Variants in ST6GALNAC5 observed in about 807,000 individuals in gnomAD.
ST6GALNAC5 encodes the protein ST6 N-acetylgalactosaminide alpha-2,6-sialyltransferase 5.
In ST6GALNAC5, 27 loss-of-function variants were observed where a neutral mutation model predicts 33.6. The observed-to-expected ratio is 0.80, with a 90% confidence interval of 0.59 to 1.11. ST6GALNAC5 has a LOEUF of 1.11. ST6GALNAC5 is among the 50% of genes least tolerant of loss of function. The pLI is 0.00. For synonymous variants in ST6GALNAC5, 194 were observed against 171.2 expected, an observed-to-expected ratio of 1.13 and a Z score of -1.04; for missense variants, 428 against 454.0, an observed-to-expected ratio of 0.94 and a Z score of 0.52.
chr1:77,039,747 G>C (rs960327540), intron 2 of ST6GALNAC5, among the ~76,000 whole-genome samples: 1 of 152,218 alleles, frequency 6.6e-6, no homozygotes. Context: ...CACCAAATGA[G>C]GCTTTACGGA....
intron 2 of ST6GALNAC5, among the ~76,000 whole-genome samples, chr1:76,972,011 G>C (rs1241020498): frequency 6.6e-6 from 1 of 152,118 alleles, no homozygotes; most frequent in Non-Finnish European, 1.5e-5. Context: ...AATATTTCAT[G>C]CATATGTAAG....
At chr1:76,932,064 T>G (rs887827100) in intron 2 of ST6GALNAC5, among the ~76,000 whole-genome samples, 1 of 152,086 alleles carries the variant, frequency 6.6e-6, no homozygotes, top group Non-Finnish European at 1.5e-5. Context: ...GAGTGGAAGT[T>G]GGATTTCAGT....
At chr1:76,925,086 A>G (rs1224745483) in intron 2 of ST6GALNAC5, among the ~76,000 whole-genome samples, 1 of 151,996 alleles carries the variant, frequency 6.6e-6, no homozygotes, top group Non-Finnish European at 1.5e-5. Flanking sequence ...ACACGGCAAG[A>G]GCAGAAGCAA....
chr1:76,868,786 TC>T lies in ST6GALNAC5; in HGVS notation c.261+47del. On this transcript the variant is annotated intron_variant, in intron 2 of 4. Transcript: ENST00000477717. This position sits in a 1 kb window ranked among gnomAD's most constrained non-coding sequence, Gnocchi z 4.3. Reference sequence around the variant, plus strand: ...GCCCGCTCGCCACTCAGCCTGGGGATCCCGCACACCTGAGCCTTCCCCCTTT... The same window carrying T: ...GCCCGCTCGCCACTCAGCCTGGGGATCCGCACACCTGAGCCTTCCCCCTTT... 1 of 1,457,810 alleles carries T rather than the reference TC, an allele frequency of 6.9e-7. No individual in the cohort carries two copies. Among genetic ancestry groups the T allele is most frequent in the Non-Finnish European group, 9.0e-7 (1 of 1,111,498 alleles). The allele number at this position is 1,457,810 out of a possible 1,614,324, so 90.3% of individuals were successfully genotyped here.
chr1:77,062,921 C>A, intron 4 of ST6GALNAC5, 54 bp from the exon 5 acceptor site: 1 of 1,438,772 alleles, frequency 7.0e-7, no homozygotes, highest in South Asian at 1.2e-5. Context: ...CTCAATCAGT[C>A]AAAGGAAAAA....
intron 2 of ST6GALNAC5, among the ~76,000 whole-genome samples, chr1:76,917,989 C>A (rs1262802720): frequency 6.6e-6 from 1 of 152,130 alleles, no homozygotes; most frequent in African/African-American, 2.4e-5. Flanking sequence ...CTCATTCTAC[C>A]AGTTCAGATG....
At chr1:77,050,127 T>C in intron 3 of ST6GALNAC5, 131 bp from the exon 4 acceptor site, 1 of 688,826 alleles carries the variant, frequency 1.5e-6, no homozygotes, top group Non-Finnish European at 2.6e-6. Context: ...AAGTTCCAGA[T>C]ATTTACCAAA....
chr1:77,013,557 C>A (rs901663741), intron 2 of ST6GALNAC5, among the ~76,000 whole-genome samples: 4 of 152,162 alleles, frequency 2.6e-5, no homozygotes, highest in African/African-American at 9.7e-5. Context: ...TTTGTTTTCT[C>A]CTAGTCTCAT....
At chr1:76,984,274 TAAA>T (rs1557748192) in intron 2 of ST6GALNAC5, among the ~76,000 whole-genome samples, 3 of 151,616 alleles carry the variant, frequency 2.0e-5, no homozygotes, top group African/African-American at 4.9e-5. Context: ...GCAAGACTAA[TAAA>T]GAAGAAAAAA....
intron 2 of ST6GALNAC5, among the ~76,000 whole-genome samples, chr1:77,022,935 A>G (rs963443679): frequency 6.6e-6 from 1 of 152,224 alleles, no homozygotes; most frequent in Non-Finnish European, 1.5e-5. Flanking sequence ...TGGAAGTCCT[A>G]ATTCCCATTA....
At chr1:76,888,646 C>A (rs914077272) in intron 2 of ST6GALNAC5, among the ~76,000 whole-genome samples, 7 of 151,830 alleles carry the variant, frequency 4.6e-5, no homozygotes, top group African/African-American at 1.7e-4. Flanking sequence ...TCCCCTGGAC[C>A]ATTTTTTCCC....
At chr1:76,886,717 A>C (rs759684113) in intron 2 of ST6GALNAC5, among the ~76,000 whole-genome samples, 7 of 152,166 alleles carry the variant, frequency 4.6e-5, no homozygotes, top group Non-Finnish European at 7.4e-5. Flanking sequence ...CTCCTCTTCT[A>C]CCAGTCCCTG....
intron 2 of ST6GALNAC5, among the ~76,000 whole-genome samples, chr1:76,978,573 A>T (rs1649120074): frequency 6.6e-6 from 1 of 152,230 alleles, no homozygotes. Flanking sequence ...ATAAAATTCA[A>T]CGTCCTTTAA....
At chr1:77,008,308 G>A (rs895741533) in intron 2 of ST6GALNAC5, among the ~76,000 whole-genome samples, 1 of 152,128 alleles carries the variant, frequency 6.6e-6, no homozygotes, top group Admixed American at 6.5e-5. Flanking sequence ...GCATGTAGTA[G>A]TATTCAAATT....
At chr1:77,032,788 A>T in intron 2 of ST6GALNAC5, among the ~76,000 whole-genome samples, 1 of 152,048 alleles carries the variant, frequency 6.6e-6, no homozygotes, top group Non-Finnish European at 1.5e-5. Context: ...GAAACCTCAG[A>T]TTTTTCCCCC....
chr1:76,937,158 A>AG (rs1647216908), intron 2 of ST6GALNAC5, among the ~76,000 whole-genome samples: 1 of 152,014 alleles, frequency 6.6e-6, no homozygotes, highest in South Asian at 2.1e-4. Context: ...GAAGCCAAAG[A>AG]GAAAAACAAA....
intron 2 of ST6GALNAC5, among the ~76,000 whole-genome samples, chr1:76,951,597 C>T (rs1176555080): frequency 1.3e-5 from 2 of 151,992 alleles, no homozygotes; most frequent in Non-Finnish European, 2.9e-5. Flanking sequence ...AACAAACCTG[C>T]ACATGTACCC....
At chr1:77,028,575 G>T (rs757749631) in intron 2 of ST6GALNAC5, among the ~76,000 whole-genome samples, 1 of 152,136 alleles carries the variant, frequency 6.6e-6, no homozygotes, top group Non-Finnish European at 1.5e-5. Flanking sequence ...GGACAGTGTG[G>T]GACACAAAGA....
At chr1:76,892,488 T>C (rs1372057218) in intron 2 of ST6GALNAC5, among the ~76,000 whole-genome samples, 1 of 152,244 alleles carries the variant, frequency 6.6e-6, no homozygotes. Context: ...ATAGTCCATA[T>C]GTTTATAAAT....
Sources: gnomAD v4.1 joint callset for allele counts (sites outside exome capture counted in the v4.1 genomes callset) on GRCh38, gnomAD v4.1.1 for gene constraint, Gnocchi (gnomAD v3.1) non-coding constraint, MANE v1.5 for transcripts, NCBI Gene and HGNC (gene_info 2026-07-23, HGNC 2026-07-21) for gene names.